Variants in KIF24 observed in about 807,000 individuals in gnomAD.
The protein encoded by KIF24 is kinesin-like protein KIF24.
KIF24 carries 81 observed loss-of-function variants against 118.9 expected under a neutral mutation model. That is an observed-to-expected ratio of 0.68 (90% CI 0.57 to 0.82). The LOEUF (loss-of-function observed/expected upper bound fraction) is 0.82. KIF24 is among the 40% of genes least tolerant of loss of function. The pLI, the probability that KIF24 is intolerant of heterozygous loss-of-function variation, is 0.00. For missense variants in KIF24, 1,560 were observed against 1,661.6 expected, an observed-to-expected ratio of 0.94 and a Z score of 1.06; for synonymous variants, 599 against 610.0, an observed-to-expected ratio of 0.98 and a Z score of 0.27.
At chr9:34,265,674 A>AT (rs1411549105) in intron 8 of KIF24, among the ~76,000 whole-genome samples, 2 of 152,144 alleles carry the variant, frequency 1.3e-5, no homozygotes, top group Admixed American at 6.5e-5. Context: ...GAAAACTGCG[A>AT]TAAAAATCTT....
At chr9:34,322,991 A>T (rs1259459340) in intron 1 of KIF24, among the ~76,000 whole-genome samples, 1 of 152,240 alleles carries the variant, frequency 6.6e-6, no homozygotes, top group Non-Finnish European at 1.5e-5. Flanking sequence ...TCAGTGAGAG[A>T]TTAAAGGGTG....
intron 7 of KIF24, among the ~76,000 whole-genome samples, chr9:34,269,577 G>A (rs551810056): frequency 2.0e-4 from 30 of 151,912 alleles, no homozygotes; most frequent in African/African-American, 7.0e-4. Flanking sequence ...CCGCCACCAC[G>A]CCCGGCTAAT....
Position 34,257,274 on chromosome 9 carries a change from TGGA to T in KIF24, c.2330_2332del (p.Leu777del), listed in dbSNP as rs746386969. ...CAGTGGTTGGTATTTTAACTTCTGTTGGAGGAGAGGTGGCTGTTGGAACTGCTG... is the reference window on the plus strand; with the variant it reads ...CAGTGGTTGGTATTTTAACTTCTGTTGGAGAGGTGGCTGTTGGAACTGCTG... On this transcript the variant is annotated inframe_deletion, in exon 11 of 13. Coordinates refer to ENST00000402558, the MANE Select transcript of KIF24 (RefSeq NM_194313.4). 113 of 1,613,932 alleles carry T rather than the reference TGGA, an allele frequency of 7.0e-5. No individual in the cohort carries two copies. The Admixed American group carries it at 1.7e-3, about 25-fold the overall frequency.
Position 34,256,656 on chromosome 9 carries a change from C to T in KIF24, c.2951G>A (p.Gly984Asp). 1 of 1,613,974 alleles carries T rather than the reference C, an allele frequency of 6.2e-7. No homozygotes were observed. Among genetic ancestry groups the T allele is most frequent in the Non-Finnish European group, 8.5e-7 (1 of 1,179,894 alleles). Residue 984 changes from glycine (G) to aspartate (D), a missense_variant, in exon 11 of 13, where the codon GGT becomes GAT. Gly to Asp is a moderately conservative substitution (Grantham distance 94). This residue lies in a region of KIF24 where 591 missense variants were observed against 655.6 expected (regional missense o/e 0.90). Coordinates refer to ENST00000402558, the MANE Select transcript of KIF24 (RefSeq NM_194313.4). ...EGNLPSPEED[G>D]FTISLSHVAV... ...AACGTGGGACAATGAGATAGTGAAA[C>T]CATCTTCCTCTGGGGATGGCAAGTT... is the stretch of plus-strand genomic sequence containing the variant.
chr9:34,257,817 G>A lies in KIF24; in HGVS notation c.1790C>T (p.Thr597Ile). The A allele has an allele frequency of 1.2e-6, 2 of 1,614,040 alleles. No individual in the cohort carries two copies. Among genetic ancestry groups the A allele is most frequent in the Non-Finnish European group, 8.5e-7 (1 of 1,179,904 alleles). The part of the protein sequence containing the change: ...KVKLGFQQSL[T>I]VAAPGSTRGK... ...TCTCGTGGAACCAGGGGCTGCCACT[G>A]TGAGTGACTGCTGAAATCCCAGCTT... The change falls in exon 11 of 13, where the codon ACA becomes ATA. Residue 597 changes from threonine to isoleucine, a missense_variant. By Grantham distance (89) the Thr-to-Ile change is moderately conservative (BLOSUM62 -1). This residue lies in a region of KIF24 where 964 missense variants were observed against 988.0 expected (regional missense o/e 0.98). Transcript: ENST00000402558.
chr9:34,275,773 G>A (rs1248944032), intron 6 of KIF24, among the ~76,000 whole-genome samples: 1 of 152,108 alleles, frequency 6.6e-6, no homozygotes, highest in Non-Finnish European at 1.5e-5. Flanking sequence ...CCAGGAGGCG[G>A]AGGTTGCAGT....
At chr9:34,287,963 C>T (rs987701909) in intron 5 of KIF24, among the ~76,000 whole-genome samples, 1 of 151,602 alleles carries the variant, frequency 6.6e-6, no homozygotes, top group Non-Finnish European at 1.5e-5. Context: ...GCTGTCATTC[C>T]TGAACATATT....
Position 34,297,073 on chromosome 9 carries a change from G to T in KIF24, c.855C>A (p.Thr285=). The change falls in exon 4 of 13, where the codon ACC becomes ACA. Residue 285 remains threonine (T), a synonymous_variant. Coordinates refer to ENST00000402558, the MANE Select transcript of KIF24 (RefSeq NM_194313.4). The part of the protein sequence containing the change: ...YFDEVFGEAC[T]NQDVYMKTTH... ...TAGTCTTCATGTATACATCCTGATT[G>T]GTGCACGCCTCACCAAAGACTTCAT... 6.3e-7 allele frequency: 1 copy of T among 1,596,470 alleles called. No individual in the cohort carries two copies. Among genetic ancestry groups the T allele is most frequent in the Non-Finnish European group, 8.6e-7 (1 of 1,169,164 alleles).
At chr9:34,316,321 T>C (rs1054941809) in intron 1 of KIF24, among the ~76,000 whole-genome samples, 7 of 151,020 alleles carry the variant, frequency 4.6e-5, no homozygotes, top group African/African-American at 9.8e-5. Flanking sequence ...AGTCTGGCAA[T>C]AGAGCGAGAC....
chr9:34,314,496 C>T (rs1380803375), intron 1 of KIF24, among the ~76,000 whole-genome samples: 1 of 152,160 alleles, frequency 6.6e-6, no homozygotes, highest in East Asian at 1.9e-4. Flanking sequence ...ATATAGATAC[C>T]TGAGCCCCAT....
chr9:34,267,505 C>G (rs1429144045), intron 8 of KIF24, among the ~76,000 whole-genome samples: 1 of 151,770 alleles, frequency 6.6e-6, no homozygotes, highest in Non-Finnish European at 1.5e-5. Flanking sequence ...ACTGTCCCAA[C>G]AGAAATAATA....
At chr9:34,331,641 A>G (rs943008331), upstream of KIF24, among the ~76,000 whole-genome samples, 2 of 152,210 alleles carry the variant, frequency 1.3e-5, no homozygotes, top group Non-Finnish European at 2.9e-5. Flanking sequence ...GAAAATTTTC[A>G]CCGTGGTCTT....
intron 4 of KIF24, among the ~76,000 whole-genome samples, chr9:34,296,550 A>G (rs1836487467): frequency 6.6e-6 from 1 of 151,960 alleles, no homozygotes; most frequent in Non-Finnish European, 1.5e-5. Flanking sequence ...AAAAAAAAAA[A>G]TACATCTATG....
At chr9:34,276,442 AT>A (rs1281948220) in intron 6 of KIF24, among the ~76,000 whole-genome samples, 1 of 151,148 alleles carries the variant, frequency 6.6e-6, no homozygotes, top group Non-Finnish European at 1.5e-5. Flanking sequence ...GTCCTATTTC[AT>A]TTTTTCTCAA....
chr9:34,311,155 C>T lies in KIF24; in HGVS notation c.192G>A (p.Met64Ile), dbSNP rs377689498. ...TACTGACTGCTTTATCTTCTTCTTG[C>T]ATAATCTTAATAATTTTGATAAGTT... ...LFQLIKIIKI[M>I]QEEDKAVSIP... The change falls in exon 2 of 13, where the codon ATG becomes ATA. Residue 64 changes from methionine to isoleucine, a missense_variant. Coordinates refer to ENST00000402558, the MANE Select transcript of KIF24 (RefSeq NM_194313.4). 1 of 1,613,326 alleles carries T rather than the reference C, an allele frequency of 6.2e-7. No individual in the cohort carries two copies. Among genetic ancestry groups the T allele is most frequent in the South Asian group, 1.1e-5 (1 of 91,044 alleles).
chr9:34,312,363 A>G (rs10118387), intron 1 of KIF24, among the ~76,000 whole-genome samples: 4,673 of 152,346 alleles, frequency 0.031, 234 homozygotes, highest in African/African-American at 0.11. Flanking sequence ...ATCCTGGTCT[A>G]TTATTAAAAG....
rs111556715 is a variant in KIF24, at chr9:34,311,196, G to C, written c.151C>G (p.Arg51Gly). ...TTGATAAGTTGGAAGAGACGTTTGC[G>C]GTCGTTCATGTCATGGACTCCTAAT... ...SKLGVHDMND[R>G]KRLFQLIKII... Residue 51 changes from arginine to glycine, a missense_variant, in exon 2 of 13, where the codon CGC becomes GGC. Arg to Gly is a moderately radical substitution (Grantham distance 125). Around this residue, in one of 3 missense-constraint regions of KIF24, gnomAD observed 964 missense variants for 988.0 expected, o/e 0.98. Coordinates refer to ENST00000402558, the MANE Select transcript of KIF24 (RefSeq NM_194313.4). 1.7e-5 allele frequency: 27 copies of C among 1,613,020 alleles called. No homozygotes were observed. The East Asian group carries it at 5.8e-4, about 35-fold the overall frequency.
At chr9:34,300,261 A>G (rs1836647785) in intron 3 of KIF24, among the ~76,000 whole-genome samples, 1 of 152,218 alleles carries the variant, frequency 6.6e-6, no homozygotes, top group Non-Finnish European at 1.5e-5. Context: ...AAGAACACTA[A>G]AATATTAATA....
chr9:34,321,656 G>A (rs1837529606), intron 1 of KIF24, among the ~76,000 whole-genome samples: 1 of 148,542 alleles, frequency 6.7e-6, no homozygotes, highest in Non-Finnish European at 1.5e-5. Flanking sequence ...GCCCAGGCTG[G>A]AGTACAGTGG....
Sources: gnomAD v4.1 joint callset for allele counts (sites outside exome capture counted in the v4.1 genomes callset) on GRCh38, gnomAD v4.1.1 for gene constraint, gnomAD v4.1.1 regional missense constraint, MANE v1.5 for transcripts, NCBI Gene and HGNC (gene_info 2026-07-23, HGNC 2026-07-21) for gene names.